RASEF: variants seen among roughly 807,000 people sequenced by gnomAD.
The protein encoded by RASEF is RAS and EF-hand domain containing.
RASEF carries 68 observed loss-of-function variants against 90.1 expected under a neutral mutation model. The observed-to-expected ratio is 0.75, with a 90% CI of 0.62 to 0.92. The LOEUF is 0.92. Among genes scored for constraint, RASEF ranks in the 40% least tolerant of loss-of-function variants. The pLI is 0.00. For synonymous variants in RASEF, 331 were observed against 345.2 expected (o/e 0.96, Z 0.46); for missense variants, 949 against 937.2 (o/e 1.01, Z -0.16).
intron 10 of RASEF, 80 bp downstream of exon 10, chr9:83,000,816 C>T: frequency 8.0e-7 from 1 of 1,250,370 alleles, no homozygotes; most frequent in Non-Finnish European, 1.1e-6. Flanking sequence ...AACAGATTTC[C>T]ATGACAGATA....
the RASEF span, among the ~76,000 whole-genome samples, chr9:83,152,352 C>A: frequency 3.9e-5 from 6 of 152,184 alleles, no homozygotes; most frequent in African/African-American, 1.4e-4. Flanking sequence ...GCTCTTCATT[C>A]ATGACAATGA....
chr9:83,017,031 G>A (rs1829354072), intron 3 of RASEF, among the ~76,000 whole-genome samples: 1 of 152,126 alleles, frequency 6.6e-6, no homozygotes, highest in Non-Finnish European at 1.5e-5. Context: ...TTACAGGTGA[G>A]GCAACAATTT....
chr9:83,001,471 T>C (rs1829040203), intron 9 of RASEF, among the ~76,000 whole-genome samples: 2 of 152,224 alleles, frequency 1.3e-5, no homozygotes, highest in Non-Finnish European at 1.5e-5. Flanking sequence ...GCAGAATATA[T>C]GAGCTTTTTT....
rs1393069474 is a variant in RASEF, at chr9:83,048,439, T to G, written c.431+13998A>C. The stretch of plus-strand genomic sequence containing the variant: ...CTCACTGATGTCATCACCTTCTGAA[T>G]AGAGGGAAACCAGCCAAGCAACTTG... On this transcript the variant is annotated intron_variant, in intron 1 of 16. Transcript: ENST00000376447. The G allele has an allele frequency of 1.4e-5, 14 of 985,080 alleles. No homozygotes were observed. The East Asian group carries it at 1.5e-3, about 104-fold the overall frequency. The allele number at this position is 985,080 out of a possible 1,614,324, so 61.0% of individuals were successfully genotyped here. A position where few individuals can be genotyped will look rare whatever the true frequency, so the allele number is the denominator to read the frequency against.
intron 3 of RASEF, among the ~76,000 whole-genome samples, chr9:83,017,416 C>T (rs1021482249): frequency 1.3e-5 from 2 of 151,226 alleles, no homozygotes; most frequent in Non-Finnish European, 2.9e-5. Flanking sequence ...AGGAGAATGG[C>T]GTGAACCCGG....
the RASEF span, among the ~76,000 whole-genome samples, chr9:83,183,585 A>G: frequency 2.0e-5 from 3 of 152,186 alleles, no homozygotes; most frequent in Non-Finnish European, 2.9e-5. Context: ...CTTGACTTCC[A>G]TTAAATCATT....
At chr9:83,026,557 G>A (rs1417484627) in intron 1 of RASEF, among the ~76,000 whole-genome samples, 8 of 152,098 alleles carry the variant, frequency 5.3e-5, no homozygotes, top group South Asian at 4.2e-4. Flanking sequence ...TCACTATCAC[G>A]AGAACAGTAC....
At chr9:83,058,951 C>G (rs1326905273) in intron 1 of RASEF, among the ~76,000 whole-genome samples, 1 of 152,120 alleles carries the variant, frequency 6.6e-6, no homozygotes, top group Non-Finnish European at 1.5e-5. Flanking sequence ...TAGCCTAGCA[C>G]TGCCTGGCAG....
the RASEF span, among the ~76,000 whole-genome samples, chr9:83,086,834 T>C: frequency 6.6e-6 from 1 of 152,032 alleles, no homozygotes. Context: ...AAGGGAGAGA[T>C]AAATCAAGCA....
intron 3 of RASEF, among the ~76,000 whole-genome samples, chr9:83,017,689 C>T (rs199651114): frequency 8.5e-5 from 13 of 152,288 alleles, no homozygotes; most frequent in Non-Finnish European, 1.3e-4. Context: ...GGAGGGAATA[C>T]GTCCCAACTC....
the RASEF span, among the ~76,000 whole-genome samples, chr9:83,152,682 T>C: frequency 6.6e-6 from 1 of 152,180 alleles, no homozygotes; most frequent in African/African-American, 2.4e-5. Flanking sequence ...AAATGATCAA[T>C]GAAGGCTACT....
At chr9:83,014,328 G>A (rs990282249) in intron 4 of RASEF, among the ~76,000 whole-genome samples, 1 of 152,048 alleles carries the variant, frequency 6.6e-6, no homozygotes, top group East Asian at 1.9e-4. Flanking sequence ...ACCACTTTCA[G>A]AGATGATTTT....
chr9:83,055,971 A>G (rs1830095620), intron 1 of RASEF, among the ~76,000 whole-genome samples: 1 of 152,170 alleles, frequency 6.6e-6, no homozygotes, highest in African/African-American at 2.4e-5. Context: ...TGAGTATTTA[A>G]GAAGGTGAGA....
intron 16 of RASEF, among the ~76,000 whole-genome samples, chr9:82,987,748 G>C (rs1431799573): frequency 2.0e-5 from 3 of 152,170 alleles, no homozygotes; most frequent in African/African-American, 7.2e-5. Flanking sequence ...AGAGTCACAG[G>C]CTCTTAGAAT....
chr9:83,019,344 CAT>C (rs760545802), intron 3 of RASEF, among the ~76,000 whole-genome samples: 1 of 152,126 alleles, frequency 6.6e-6, no homozygotes, highest in East Asian at 1.9e-4. Flanking sequence ...TATATATACA[CAT>C]GGCAGATAAA....
chr9:82,998,624 G>C (rs577325571), intron 12 of RASEF, among the ~76,000 whole-genome samples, 178 bp from the exon 13 acceptor site: 2 of 152,312 alleles, frequency 1.3e-5, no homozygotes, highest in East Asian at 3.9e-4. Flanking sequence ...CAGACCACAC[G>C]TGTGTGCAGA....
intron 14 of RASEF, among the ~76,000 whole-genome samples, 182 bp from the exon 15 acceptor site, chr9:82,993,207 G>A (rs1828847941): frequency 6.6e-6 from 1 of 152,118 alleles, no homozygotes; most frequent in Admixed American, 6.5e-5. Flanking sequence ...CCCATTCACA[G>A]AAGAGAAAAC....
chr9:83,194,026 A>C, the RASEF span, among the ~76,000 whole-genome samples: 3 of 152,322 alleles, frequency 2.0e-5, no homozygotes, highest in South Asian at 6.2e-4. Context: ...AAAGCAGAAA[A>C]GGTAATACAG....
the RASEF span, among the ~76,000 whole-genome samples, chr9:83,085,656 T>C: frequency 6.6e-6 from 1 of 152,030 alleles, no homozygotes; most frequent in African/African-American, 2.4e-5. Flanking sequence ...CCGGGCGCAG[T>C]GGCTCACACC....
Sources: gnomAD v4.1 joint callset for allele counts (sites outside exome capture counted in the v4.1 genomes callset) on GRCh38, gnomAD v4.1.1 for gene constraint, MANE v1.5 for transcripts, NCBI Gene and HGNC (gene_info 2026-07-23, HGNC 2026-07-21) for gene names.